IL2RB: variants seen among roughly 807,000 people sequenced by gnomAD.
IL2RB encodes the protein interleukin-2 receptor subunit beta.
IL2RB carries 17 observed loss-of-function variants against 44.2 expected under a neutral mutation model. That is an observed-to-expected ratio of 0.38 (90% CI 0.26 to 0.58). The LOEUF (loss-of-function observed/expected upper bound fraction) is 0.58. Among genes scored for constraint, IL2RB ranks in the 20% least tolerant of loss-of-function variants. The pLI is 0.63. For synonymous variants in IL2RB, 286 were observed against 297.9 expected, an observed-to-expected ratio of 0.96 and a Z score of 0.41; for missense variants, 624 against 685.5, an observed-to-expected ratio of 0.91 and a Z score of 1.00.
rs1469642336 is a variant in IL2RB, at chr22:37,135,352, A to G, written c.794T>C (p.Ile265Thr). 1.4e-5 allele frequency: 23 copies of G among 1,613,812 alleles called. No homozygotes were observed. Among genetic ancestry groups the G allele is most frequent in the Non-Finnish European group, 1.9e-5 (23 of 1,179,776 alleles). ...CCATGGCCCGGTGTTCCTGCAGTTG[A>G]TCAGCAAGTACACTAAGATGATGAA... ...FGFIILVYLL[I>T]NCRNTGPWLK... The change falls in exon 8 of 10, where the codon ATC (isoleucine) becomes ACC (threonine). Residue 265 changes from isoleucine to threonine, a missense_variant. Coordinates refer to ENST00000216223, the MANE Select transcript of IL2RB (RefSeq NM_000878.5).
chr22:37,132,346 C>A lies in IL2RB; in HGVS notation c.903+38G>T, dbSNP rs770543420. 1.9e-6 allele frequency: 3 copies of A among 1,546,948 alleles called. No homozygotes were observed. The African/African-American group carries it at 4.1e-5, about 21-fold the overall frequency. On this transcript the variant is annotated intron_variant, in intron 9 of 9. Coordinates refer to ENST00000216223, the MANE Select transcript of IL2RB (RefSeq NM_000878.5). Reference sequence around the variant, plus strand: ...CTGCCACCCCCTCATCCCACTCACACCCCTGCCCACCTCTGTCTCCCCGCC... The same window carrying A: ...CTGCCACCCCCTCATCCCACTCACAACCCTGCCCACCTCTGTCTCCCCGCC...
chr22:37,149,101 C>T (rs992839379), intron 1 of IL2RB, among the ~76,000 whole-genome samples: 5 of 152,124 alleles, frequency 3.3e-5, no homozygotes, highest in Non-Finnish European at 5.9e-5. Context: ...CTCCCTCCCC[C>T]GAGGTGCTAC....
At chr22:37,134,004 G>T (rs1032134464) in intron 8 of IL2RB, among the ~76,000 whole-genome samples, 1 of 151,978 alleles carries the variant, frequency 6.6e-6, no homozygotes, top group Non-Finnish European at 1.5e-5. Flanking sequence ...CTTCCTCAGG[G>T]AAACCAGCCC....
At chr22:37,136,642 T>G (rs1243507943) in intron 6 of IL2RB, among the ~76,000 whole-genome samples, 3 of 151,236 alleles carry the variant, frequency 2.0e-5, no homozygotes, top group Non-Finnish European at 4.4e-5. Flanking sequence ...TCCAGAACCA[T>G]CCCCCTCTCT....
chr22:37,163,207 G>A (rs1333752142), intron 1 of IL2RB, among the ~76,000 whole-genome samples: 1 of 152,154 alleles, frequency 6.6e-6, no homozygotes, highest in Non-Finnish European at 1.5e-5. Context: ...AGACCTCAGG[G>A]ACGGGCAGAC....
At chr22:37,147,334 A>C (rs923463711) in intron 1 of IL2RB, among the ~76,000 whole-genome samples, 1 of 152,224 alleles carries the variant, frequency 6.6e-6, no homozygotes, top group Non-Finnish European at 1.5e-5. Context: ...GAGTCAGGGC[A>C]GACTGCCCAG....
chr22:37,147,356 G>T (rs924276640), intron 1 of IL2RB, among the ~76,000 whole-genome samples: 2 of 152,164 alleles, frequency 1.3e-5, no homozygotes, highest in African/African-American at 4.8e-5. Context: ...GCCCAGGCAG[G>T]GATCCTCCCC....
chr22:37,164,761 A>G (rs890582741), intron 1 of IL2RB, among the ~76,000 whole-genome samples: 3 of 152,136 alleles, frequency 2.0e-5, no homozygotes, highest in East Asian at 1.9e-4. Flanking sequence ...GCCACCAGGA[A>G]TGCAGAGGGC....
Position 37,149,884 on chromosome 22 carries a change from C to T in IL2RB, c.-93G>A, listed in dbSNP as rs1013698285. ...CTCCAGTCCTCCCCGGTGCTGGGAC[C>T]GTGGCCATCTCTCCAGGGCCCTGCT... On this transcript the variant is annotated 5_prime_UTR_variant, in exon 1 of 10. Transcript: ENST00000216223. The T allele has an allele frequency of 4.9e-5, 48 of 985,626 alleles. No homozygotes were observed. The highest frequency in any genetic ancestry group is 1.1e-4 in the East Asian group (1 of 8,800). The allele number at this position is 985,626 out of a possible 1,614,324, so 61.1% of individuals were successfully genotyped here.
At chr22:37,132,346 C>T (rs770543420) in intron 9 of IL2RB, 38 bp downstream of exon 9, 3 of 1,547,064 alleles carry the variant, frequency 1.9e-6, no homozygotes, top group South Asian at 1.1e-5. Context: ...CCCACTCACA[C>T]CCCTGCCCAC....
intron 1 of IL2RB, among the ~76,000 whole-genome samples, chr22:37,170,012 G>A (rs1323606739): frequency 6.6e-6 from 1 of 152,080 alleles, no homozygotes; most frequent in Non-Finnish European, 1.5e-5. Context: ...TGAATGGGGG[G>A]ATCATGGAGG....
At chr22:37,145,804 G>A (rs1010515730) in intron 1 of IL2RB, among the ~76,000 whole-genome samples, 6 of 152,052 alleles carry the variant, frequency 3.9e-5, no homozygotes, top group Non-Finnish European at 7.4e-5. Context: ...CTTCCATCTC[G>A]AGAGCTTCCA....
At chr22:37,132,870 G>C (rs1162870568) in intron 8 of IL2RB, among the ~76,000 whole-genome samples, 1 of 152,220 alleles carries the variant, frequency 6.6e-6, no homozygotes, top group Non-Finnish European at 1.5e-5. Context: ...GCGGGAGAGA[G>C]GAGATGGGCT....
intron 1 of IL2RB, among the ~76,000 whole-genome samples, chr22:37,144,723 G>A (rs1475667607): frequency 3.3e-5 from 5 of 152,080 alleles, no homozygotes; most frequent in Non-Finnish European, 1.5e-5. Flanking sequence ...CAGCCTGGAC[G>A]ACAGAGTAAG....
intron 1 of IL2RB, among the ~76,000 whole-genome samples, chr22:37,158,959 C>T (rs1052552714): frequency 2.0e-5 from 3 of 152,222 alleles, no homozygotes; most frequent in Non-Finnish European, 4.4e-5. Flanking sequence ...GGCAAAAAGG[C>T]GGACTCCTAA....
chr22:37,149,676 A>C, intron 1 of IL2RB, 149 bp downstream of exon 1: 1 of 213,934 alleles, frequency 4.7e-6, no homozygotes, highest in Non-Finnish European at 8.0e-6. Context: ...ACCCCTCCCT[A>C]GGGGAATTCT....
chr22:37,167,870 T>C (rs998068479), intron 1 of IL2RB, among the ~76,000 whole-genome samples: 1 of 151,728 alleles, frequency 6.6e-6, no homozygotes, highest in Non-Finnish European at 1.5e-5. Flanking sequence ...TATTGAAAGA[T>C]GGGAAGCAAG....
At chr22:37,147,473 T>C (rs190039666) in intron 1 of IL2RB, among the ~76,000 whole-genome samples, 1 of 152,368 alleles carries the variant, frequency 6.6e-6, no homozygotes, top group East Asian at 1.9e-4. Flanking sequence ...ACATACTCTA[T>C]GCTAGGCCTG....
chr22:37,161,463 C>T (rs1266293665), intron 1 of IL2RB, among the ~76,000 whole-genome samples: 1 of 152,202 alleles, frequency 6.6e-6, no homozygotes, highest in Non-Finnish European at 1.5e-5. Flanking sequence ...TCCAGCCTCC[C>T]TTGCAGCTGG....
Sources: allele counts gnomAD v4.1 joint callset (sites outside exome capture counted in the v4.1 genomes callset), GRCh38; gene constraint gnomAD v4.1.1; transcripts MANE v1.5; gene names NCBI Gene and HGNC (gene_info 2026-07-23, HGNC 2026-07-21).